Variants in ABTB3 observed in about 807,000 individuals in gnomAD.
ABTB3 encodes the protein ankyrin repeat- and BTB/POZ domain-containing protein 3.
chr12:107,505,417 T>C, the ABTB3 span, among the ~76,000 whole-genome samples: 1 of 152,138 alleles, frequency 6.6e-6, no homozygotes, highest in East Asian at 1.9e-4. Context: ...GAGATATTGC[T>C]GTGTTCTCAA....
At chr12:107,325,157 A>AT in the ABTB3 span, among the ~76,000 whole-genome samples, 1 of 152,240 alleles carries the variant, frequency 6.6e-6, no homozygotes, top group African/African-American at 2.4e-5. Context: ...CATTTCAGGG[A>AT]TCCCCAATCA....
At chr12:107,538,201 T>C in the ABTB3 span, among the ~76,000 whole-genome samples, 1 of 152,220 alleles carries the variant, frequency 6.6e-6, no homozygotes, top group African/African-American at 2.4e-5. Context: ...TGAAGACCCC[T>C]GCCTTCACAG....
the ABTB3 span, among the ~76,000 whole-genome samples, chr12:107,415,611 G>A: frequency 1.3e-5 from 2 of 151,828 alleles, no homozygotes; most frequent in Admixed American, 1.3e-4. Context: ...GGGAGGCTGA[G>A]GCAGGAGAAT....
chr12:107,479,936 G>T, the ABTB3 span, among the ~76,000 whole-genome samples: 58 of 152,260 alleles, frequency 3.8e-4, no homozygotes, highest in Admixed American at 3.1e-3. Context: ...GTCCAGGATA[G>T]CCAGCCTCAG....
chr12:107,405,369 C>A, the ABTB3 span, among the ~76,000 whole-genome samples: 1 of 152,222 alleles, frequency 6.6e-6, no homozygotes, highest in African/African-American at 2.4e-5. Flanking sequence ...TAAATAGCAA[C>A]CTATCAGGGT....
At chr12:107,341,635 T>C in the ABTB3 span, among the ~76,000 whole-genome samples, 2 of 152,290 alleles carry the variant, frequency 1.3e-5, no homozygotes, top group East Asian at 1.9e-4. Flanking sequence ...CAGTGGATGC[T>C]ACTCAGTGGA....
the ABTB3 span, among the ~76,000 whole-genome samples, chr12:107,540,058 G>A: frequency 6.6e-6 from 1 of 152,182 alleles, no homozygotes; most frequent in African/African-American, 2.4e-5. Context: ...GCAGAGAGAT[G>A]TAGGGATATA....
chr12:107,521,087 T>C, the ABTB3 span, among the ~76,000 whole-genome samples: 2 of 152,280 alleles, frequency 1.3e-5, no homozygotes, highest in South Asian at 4.1e-4. Context: ...AGAGAAATAT[T>C]ACGTGTGTAT....
the ABTB3 span, among the ~76,000 whole-genome samples, chr12:107,444,990 T>C: frequency 2.6e-5 from 4 of 152,212 alleles, no homozygotes; most frequent in African/African-American, 9.6e-5. Context: ...TGGAGCTGGC[T>C]GAGGCAGGGC....
chr12:107,635,351 A>G, the ABTB3 span: 1 of 1,613,826 alleles, frequency 6.2e-7, no homozygotes, highest in Non-Finnish European at 8.5e-7. Flanking sequence ...CCCCATCCCC[A>G]AGCTCACAGA....
At chr12:107,320,630 G>T in the ABTB3 span, 18 of 456,012 alleles carry the variant, frequency 3.9e-5, no homozygotes, top group African/African-American at 3.6e-4. Flanking sequence ...CTAGACAGTC[G>T]TAAAGGTGTG....
chr12:107,455,375 C>T, the ABTB3 span, among the ~76,000 whole-genome samples: 1 of 152,068 alleles, frequency 6.6e-6, no homozygotes, highest in South Asian at 2.1e-4. Flanking sequence ...GCTGGTCTTT[C>T]TGCCTGGTGT....
At chr12:107,346,874 C>G in the ABTB3 span, among the ~76,000 whole-genome samples, 1 of 152,214 alleles carries the variant, frequency 6.6e-6, no homozygotes. Flanking sequence ...GCCAAAGTAT[C>G]ACATCTCCAT....
At chr12:107,554,176 A>C in the ABTB3 span, among the ~76,000 whole-genome samples, 17 of 152,212 alleles carry the variant, frequency 1.1e-4, no homozygotes, top group Non-Finnish European at 1.5e-5. Flanking sequence ...CCTGCAGATG[A>C]GAACATTAAG....
chr12:107,438,422 T>C, the ABTB3 span, among the ~76,000 whole-genome samples: 3 of 152,218 alleles, frequency 2.0e-5, no homozygotes, highest in Non-Finnish European at 4.4e-5. Context: ...TGGATTCTTT[T>C]AGGTGGCATG....
At chr12:107,516,485 G>A in the ABTB3 span, among the ~76,000 whole-genome samples, 1 of 152,188 alleles carries the variant, frequency 6.6e-6, no homozygotes, top group South Asian at 2.1e-4. Flanking sequence ...GCCCACCTCG[G>A]CCTCCCAAAG....
the ABTB3 span, among the ~76,000 whole-genome samples, chr12:107,648,632 A>C: frequency 6.6e-6 from 1 of 152,112 alleles, no homozygotes; most frequent in East Asian, 1.9e-4. Context: ...ATCGTTAGTG[A>C]TACACAGAAA....
chr12:107,477,319 G>T, the ABTB3 span, among the ~76,000 whole-genome samples: 2 of 152,276 alleles, frequency 1.3e-5, no homozygotes, highest in African/African-American at 2.4e-5. Flanking sequence ...GCAAACAAAA[G>T]GCGGACTACC....
At chr12:107,557,193 C>G in the ABTB3 span, among the ~76,000 whole-genome samples, 1 of 152,164 alleles carries the variant, frequency 6.6e-6, no homozygotes, top group Non-Finnish European at 1.5e-5. Context: ...GTAGAGTGTA[C>G]TTACGTAAAC....
Sources: allele counts gnomAD v4.1 joint callset (sites outside exome capture counted in the v4.1 genomes callset), GRCh38; gene constraint gnomAD v4.1.1; transcripts MANE v1.5; gene names NCBI Gene and HGNC (gene_info 2026-07-23, HGNC 2026-07-21).